The following STRN3 variants were observed in gnomAD, a reference collection of about 807,000 sequenced individuals.
STRN3 encodes striatin-3.
In STRN3, 29 loss-of-function variants were observed where a neutral mutation model predicts 95.6. The ratio of observed to expected loss-of-function variants is 0.30; its 90% CI spans 0.23 to 0.41. STRN3 has a LOEUF of 0.41. STRN3 is among the 10% of genes least tolerant of loss of function. STRN3 has a pLI of 1.00. For missense variants in STRN3, 890 were observed against 972.1 expected (o/e 0.92, Z 1.12); for synonymous variants, 331 against 357.6 (o/e 0.93, Z 0.84).
At position 30,985,045 on chromosome 14, in the gene STRN3, G is replaced by A. The variant is rs78711445; in HGVS notation, c.283-28803C>T. On this transcript the variant is annotated intron_variant, in intron 1 of 17. Coordinates refer to ENST00000357479, the MANE Select transcript of STRN3 (RefSeq NM_001083893.2). ...AAAATATTTTATCTTGGCCGGACGCGGTGGTTCACACCTGTAATCCCAGCA... is the reference window on the plus strand; with the variant it reads ...AAAATATTTTATCTTGGCCGGACGCAGTGGTTCACACCTGTAATCCCAGCA... Among the ~76,000 whole-genome samples the A allele has an allele frequency of 3.8e-3, 577 of 152,058 alleles. 2 individuals are homozygous for A. Among genetic ancestry groups the A allele is most frequent in the African/African-American group, 0.013 (541 of 41,470 alleles).
At chr14:30,969,143 A>G (rs1880696501) in intron 1 of STRN3, among the ~76,000 whole-genome samples, 1 of 152,206 alleles carries the variant, frequency 6.6e-6, no homozygotes. Context: ...AAAGGTTAAA[A>G]AGAGTCTATA....
At chr14:30,954,230 T>C (rs1043228875) in intron 3 of STRN3, among the ~76,000 whole-genome samples, 3 of 152,206 alleles carry the variant, frequency 2.0e-5, no homozygotes, top group African/African-American at 7.2e-5. Context: ...CATTATTCTA[T>C]CTGATTATCT....
chr14:30,924,252 A>C (rs1406879542), intron 8 of STRN3, among the ~76,000 whole-genome samples: 1 of 144,506 alleles, frequency 6.9e-6, no homozygotes, highest in African/African-American at 2.5e-5. Flanking sequence ...AACAAAAAAA[A>C]AACATGGCCA....
At chr14:31,023,042 T>A (rs1219187882) in intron 1 of STRN3, among the ~76,000 whole-genome samples, 7 of 152,170 alleles carry the variant, frequency 4.6e-5, no homozygotes, top group African/African-American at 1.7e-4. Context: ...AATTTGCAAA[T>A]CCTAGTGTCT....
intron 1 of STRN3, among the ~76,000 whole-genome samples, chr14:31,010,454 T>C (rs191279101): frequency 1.4e-5 from 2 of 145,192 alleles, no homozygotes; most frequent in Non-Finnish European, 3.0e-5. Flanking sequence ...CTGAAACTTA[T>C]CAATTTTAAT....
At chr14:30,929,968 A>AAAAAAAAAAAAAAAAAAAC (rs1878438058) in intron 7 of STRN3, among the ~76,000 whole-genome samples, 1 of 121,836 alleles carries the variant, frequency 8.2e-6, no homozygotes, top group African/African-American at 2.8e-5. Context: ...AAAAAAAAAA[A>AAAAAAAAAAAAAAAAAAAC]AAAAAAAAAA....
Position 30,906,968 on chromosome 14 carries a change from A to G in STRN3, c.1797T>C (p.Asn599=). The G allele has an allele frequency of 6.2e-7, 1 of 1,613,906 alleles. No individual in the cohort carries two copies. The highest frequency in any genetic ancestry group is 2.2e-5 in the East Asian group (1 of 44,830). The stretch of plus-strand genomic sequence containing the variant: ...CATCTGCTGAACAAGACAGTAATTG[A>G]TTTTTTATGCCACTATAAGCAAGAC... ...VWGLAYSGIK[N]QLLSCSADGT... is the part of the protein sequence containing the mutation. The change falls in exon 14 of 18, where the codon AAT becomes AAC. Residue 599 remains asparagine, a synonymous_variant. Coordinates refer to ENST00000357479, the MANE Select transcript of STRN3 (RefSeq NM_001083893.2).
chr14:31,021,437 TTAAATGAATACTGAATGAA>T (rs1883502410), intron 1 of STRN3, among the ~76,000 whole-genome samples: 1 of 152,108 alleles, frequency 6.6e-6, no homozygotes, highest in African/African-American at 2.4e-5. Flanking sequence ...GTTTTGAGAA[TTAAATGAATACTGAATGAA>T]TTAAATGAAT....
chr14:30,999,196 C>T (rs889372513), intron 1 of STRN3, among the ~76,000 whole-genome samples: 1 of 152,060 alleles, frequency 6.6e-6, no homozygotes, highest in Non-Finnish European at 1.5e-5. Flanking sequence ...GGTGCATGTG[C>T]CACCATGCCC....
intron 1 of STRN3, among the ~76,000 whole-genome samples, chr14:30,992,494 C>T (rs1325583893): frequency 6.8e-6 from 1 of 148,138 alleles, no homozygotes; most frequent in African/African-American, 2.5e-5. Flanking sequence ...ATCAACTGAT[C>T]CACCAGCCTC....
chr14:30,907,790 T>C (rs1896504991), intron 13 of STRN3, among the ~76,000 whole-genome samples: 1 of 152,172 alleles, frequency 6.6e-6, no homozygotes, highest in Non-Finnish European at 1.5e-5. Context: ...TATACCATAT[T>C]TTATTTATCT....
chr14:30,934,941 C>T (rs1444628533), intron 7 of STRN3, among the ~76,000 whole-genome samples: 1 of 151,938 alleles, frequency 6.6e-6, no homozygotes, highest in African/African-American at 2.4e-5. Context: ...AGACAAATTC[C>T]AAAAATCAAA....
intron 1 of STRN3, among the ~76,000 whole-genome samples, chr14:31,019,249 C>T (rs1883388853): frequency 6.6e-6 from 1 of 152,116 alleles, no homozygotes; most frequent in South Asian, 2.1e-4. Flanking sequence ...TTTGAGGCTG[C>T]AGTGAGCTAC....
chr14:30,972,585 G>A (rs978037283), intron 1 of STRN3, among the ~76,000 whole-genome samples: 4 of 152,026 alleles, frequency 2.6e-5, no homozygotes, highest in African/African-American at 4.8e-5. Context: ...AGGATCACCT[G>A]AGGCCAGGAG....
chr14:30,959,330 A>AAAAAC (rs1228763221), intron 1 of STRN3, among the ~76,000 whole-genome samples: 6 of 152,274 alleles, frequency 3.9e-5, no homozygotes, highest in Non-Finnish European at 7.4e-5. Flanking sequence ...ATGAAAAGAA[A>AAAAAC]AAAACAAAAC....
rs767403504 is a variant in STRN3 at position 30,919,104 on chromosome 14, C to G, written c.1102G>C (p.Ala368Pro). 1.2e-6 allele frequency: 2 copies of G among 1,600,568 alleles called. No individual in the cohort carries two copies. Among genetic ancestry groups the G allele is most frequent in the Middle Eastern group, 3.3e-4 (2 of 6,006 alleles). Residue 368 changes from alanine (A) to proline (P), a missense_variant and splice_region_variant, in exon 9 of 18, where the codon GCC becomes CCC. Ala to Pro is a conservative substitution (Grantham distance 27). This residue lies in a region of STRN3 where 526 missense variants were observed against 526.3 expected (regional missense o/e 1.00). Coordinates refer to ENST00000357479, the MANE Select transcript of STRN3 (RefSeq NM_001083893.2). Reference sequence around the variant, plus strand: ...ATGTCGTAGAGTTTTGTCCTGTTGGCCCCTGTAAATTAATGTCAGCAGTAG... The same window carrying G: ...ATGTCGTAGAGTTTTGTCCTGTTGGGCCCTGTAAATTAATGTCAGCAGTAG... ...ERKGKKGVKRANRTKLYDMIA... is the reference protein window; with the variant it reads ...ERKGKKGVKRPNRTKLYDMIA...
intron 1 of STRN3, among the ~76,000 whole-genome samples, chr14:31,006,841 C>T (rs1018904963): frequency 6.6e-6 from 1 of 152,004 alleles, no homozygotes; most frequent in African/African-American, 2.4e-5. Context: ...CCTGGTGCAA[C>T]AGGGCAGGCC....
intron 16 of STRN3, among the ~76,000 whole-genome samples, chr14:30,902,283 T>C (rs1417872313): frequency 6.6e-6 from 1 of 150,892 alleles, no homozygotes; most frequent in African/African-American, 2.4e-5. Flanking sequence ...AGGGAAAAAT[T>C]TCAAATGGAA....
At chr14:30,983,487 G>C (rs777881249) in intron 1 of STRN3, among the ~76,000 whole-genome samples, 11 of 152,274 alleles carry the variant, frequency 7.2e-5, no homozygotes, top group African/African-American at 2.4e-5. Flanking sequence ...GGAGGTTGCA[G>C]TGAGCCGAGA....
Sources: allele counts gnomAD v4.1 joint callset (sites outside exome capture counted in the v4.1 genomes callset), GRCh38; gene constraint gnomAD v4.1.1; regional missense constraint gnomAD v4.1.1; transcripts MANE v1.5; gene names NCBI Gene and HGNC (gene_info 2026-07-23, HGNC 2026-07-21).